Variants in PTPRT observed in about 807,000 individuals in gnomAD.
PTPRT encodes receptor-type tyrosine-protein phosphatase T.
PTPRT carries 56 observed loss-of-function variants against 176.8 expected under a neutral mutation model. The observed-to-expected ratio is 0.32, with a 90% CI of 0.26 to 0.40. The LOEUF is 0.40. PTPRT is among the 10% of genes least tolerant of loss of function. The probability of loss-of-function intolerance (pLI) is 1.00; values close to 1 mark genes in which losing one functional copy is unlikely to be tolerated. For synonymous variants in PTPRT, 783 were observed against 739.0 expected, an observed-to-expected ratio of 1.06 and a Z score of -0.96; for missense variants, 1,540 against 1,908.2, an observed-to-expected ratio of 0.81 and a Z score of 3.60.
At chr20:42,684,081 G>C (rs541601918) in intron 6 of PTPRT, among the ~76,000 whole-genome samples, 1 of 152,092 alleles carries the variant, frequency 6.6e-6, no homozygotes, top group Non-Finnish European at 1.5e-5. Context: ...GGCTGGGAAC[G>C]GTGACTCATT....
chr20:43,042,754 C>G (rs1438282923), intron 1 of PTPRT, among the ~76,000 whole-genome samples: 1 of 149,942 alleles, frequency 6.7e-6, no homozygotes, highest in African/African-American at 2.5e-5. Context: ...TCTCCTCCCA[C>G]CCACCATCTC....
At chr20:42,624,965 T>G (rs1282941728) in intron 7 of PTPRT, among the ~76,000 whole-genome samples, 2 of 152,106 alleles carry the variant, frequency 1.3e-5, no homozygotes, top group African/African-American at 4.8e-5. Flanking sequence ...GTTCCAAATT[T>G]GGCTTGAGGC....
intron 7 of PTPRT, among the ~76,000 whole-genome samples, chr20:42,571,484 C>A (rs542693307): frequency 1.3e-5 from 2 of 152,342 alleles, no homozygotes; most frequent in East Asian, 3.9e-4. Context: ...GACTTCTGAT[C>A]TCCAGAATTG....
intron 16 of PTPRT, among the ~76,000 whole-genome samples, chr20:42,175,841 T>C (rs931111885): frequency 2.0e-5 from 3 of 152,080 alleles, no homozygotes; most frequent in East Asian, 1.9e-4. Context: ...AAAATAAATA[T>C]AGTAAAATGT....
intron 1 of PTPRT, among the ~76,000 whole-genome samples, chr20:43,046,610 G>A (rs764004484): frequency 2.6e-5 from 4 of 151,962 alleles, no homozygotes; most frequent in Non-Finnish European, 5.9e-5. Flanking sequence ...GCGGGACTGA[G>A]GTCGGGCTGT....
chr20:42,104,328 T>C (rs1310152572), intron 25 of PTPRT, among the ~76,000 whole-genome samples: 1 of 151,996 alleles, frequency 6.6e-6, no homozygotes, highest in African/African-American at 2.4e-5. Flanking sequence ...AAAGAAGAAA[T>C]GTGAGAGCTT....
At chr20:43,060,317 T>C (rs557164975) in intron 1 of PTPRT, among the ~76,000 whole-genome samples, 76 of 152,346 alleles carry the variant, frequency 5.0e-4, no homozygotes, top group African/African-American at 1.5e-3. Context: ...ACCTGCGTCC[T>C]GGAACATGGA....
At chr20:42,578,901 T>TGGG (rs531147846) in intron 7 of PTPRT, among the ~76,000 whole-genome samples, 12 of 139,420 alleles carry the variant, frequency 8.6e-5, no homozygotes, top group African/African-American at 3.5e-4. Context: ...TTTTTTTTTT[T>TGGG]TGGGGGGGGG....
intron 2 of PTPRT, among the ~76,000 whole-genome samples, chr20:42,813,134 G>A (rs1207373713): frequency 4.0e-5 from 6 of 151,678 alleles, no homozygotes; most frequent in Non-Finnish European, 8.8e-5. Context: ...ATTATTTATG[G>A]GCTCTTTAAT....
At chr20:42,576,585 C>T (rs1038675197) in intron 7 of PTPRT, among the ~76,000 whole-genome samples, 7 of 152,118 alleles carry the variant, frequency 4.6e-5, no homozygotes, top group African/African-American at 1.4e-4. Flanking sequence ...GTTGGGATGG[C>T]TTTCTGCCCC....
chr20:42,340,503 C>T (rs961141519), intron 11 of PTPRT, among the ~76,000 whole-genome samples: 8 of 152,188 alleles, frequency 5.3e-5, no homozygotes, highest in African/African-American at 1.9e-4. Context: ...ACCAAAAAGC[C>T]AGGGCTTTCA....
chr20:42,396,154 A>C (rs2058846795), intron 9 of PTPRT, among the ~76,000 whole-genome samples: 1 of 152,154 alleles, frequency 6.6e-6, no homozygotes, highest in South Asian at 2.1e-4. Flanking sequence ...TGCTCATTCC[A>C]GTGTCTTTCC....
At chr20:42,748,862 A>G (rs1294696953) in intron 6 of PTPRT, among the ~76,000 whole-genome samples, 1 of 151,868 alleles carries the variant, frequency 6.6e-6, no homozygotes, top group Non-Finnish European at 1.5e-5. Flanking sequence ...AGAATTACCT[A>G]GTAGGATAGA....
intron 1 of PTPRT, among the ~76,000 whole-genome samples, chr20:43,048,334 T>C (rs1172295885): frequency 6.6e-6 from 1 of 152,110 alleles, no homozygotes; most frequent in Non-Finnish European, 1.5e-5. Flanking sequence ...CTGGGGAGAC[T>C]GTCAGGGGTC....
In PTPRT at chr20:42,199,225, G is replaced by A. The variant is rs201104662; in HGVS notation, c.2491+15C>T. 1 of 1,613,104 alleles carries A rather than the reference G, an allele frequency of 6.2e-7. No homozygotes were observed. Among genetic ancestry groups the A allele is most frequent in the Non-Finnish European group, 8.5e-7 (1 of 1,179,338 alleles). Reference sequence around the variant, plus strand: ...GACCACGGATGTCCCCTTCCCCTTTGTTGGCTCTACTTACTGAATCCGTTG... The same window carrying A: ...GACCACGGATGTCCCCTTCCCCTTTATTGGCTCTACTTACTGAATCCGTTG... On this transcript the variant is annotated intron_variant, in intron 16 of 30. Coordinates refer to ENST00000373187, the MANE Select transcript of PTPRT (RefSeq NM_007050.6).
intron 13 of PTPRT, among the ~76,000 whole-genome samples, chr20:42,275,817 G>C (rs2057019459): frequency 1.3e-5 from 2 of 152,192 alleles, no homozygotes; most frequent in African/African-American, 4.8e-5. Flanking sequence ...AGAGCAAAGG[G>C]GGCCACAAGT....
At chr20:42,991,257 T>C (rs1983897189) in intron 1 of PTPRT, among the ~76,000 whole-genome samples, 1 of 152,118 alleles carries the variant, frequency 6.6e-6, no homozygotes, top group Admixed American at 6.6e-5. Flanking sequence ...GCCAGCCACC[T>C]CCAGTCTTGT....
intron 2 of PTPRT, among the ~76,000 whole-genome samples, chr20:42,827,762 A>G (rs2078020549): frequency 6.6e-6 from 1 of 150,538 alleles, no homozygotes; most frequent in Non-Finnish European, 1.5e-5. Flanking sequence ...TGATGGTTTT[A>G]AAGGAGATGG....
intron 15 of PTPRT, among the ~76,000 whole-genome samples, chr20:42,202,495 C>T (rs904143363): frequency 3.3e-5 from 5 of 152,094 alleles, no homozygotes; most frequent in Non-Finnish European, 5.9e-5. Context: ...TTGGATTGGT[C>T]AGACAATTAG....
Sources: allele counts gnomAD v4.1 joint callset (sites outside exome capture counted in the v4.1 genomes callset), GRCh38; gene constraint gnomAD v4.1.1; transcripts MANE v1.5; gene names NCBI Gene and HGNC (gene_info 2026-07-23, HGNC 2026-07-21).